Variants in DPYSL2 observed in about 807,000 individuals in gnomAD.
DPYSL2 encodes the protein dihydropyrimidinase like 2, also known as dihydropyrimidinase-related protein 2.
A neutral mutation model predicts 69.9 loss-of-function variants in DPYSL2; 13 were observed. The observed-to-expected ratio is 0.19, with a 90% CI of 0.12 to 0.30. DPYSL2 has a LOEUF of 0.30. Among genes scored for constraint, DPYSL2 ranks in the 10% least tolerant of loss-of-function variants. The probability of loss-of-function intolerance (pLI) is 1.00; values close to 1 mark genes in which losing one functional copy is unlikely to be tolerated. For missense variants in DPYSL2, 587 were observed against 918.9 expected (o/e 0.64, Z 4.67); for synonymous variants, 326 against 359.1 (o/e 0.91, Z 1.04).
In DPYSL2 at chr8:26,562,476, T is replaced by C. The variant is rs1284266273; in HGVS notation, c.355-19493T>C. Among the ~76,000 whole-genome samples the C allele has an allele frequency of 1.3e-5, 2 of 152,194 alleles. No homozygotes were observed. The highest frequency in any genetic ancestry group is 2.4e-5 in the African/African-American group (1 of 41,454). ...CACCTTCTTACTGGTTGCCTCTGTTTGACCCTTGCACCACCACACTACAGC... is the reference window on the plus strand; with the variant it reads ...CACCTTCTTACTGGTTGCCTCTGTTCGACCCTTGCACCACCACACTACAGC... On this transcript the variant is annotated intron_variant, in intron 1 of 13. Transcript: ENST00000521913. The surrounding 1 kb of genome is among the most constrained non-coding windows in gnomAD (Gnocchi z 4.9).
chr8:26,530,367 A>G (rs1241976136), intron 1 of DPYSL2, among the ~76,000 whole-genome samples: 1 of 152,176 alleles, frequency 6.6e-6, no homozygotes, highest in Non-Finnish European at 1.5e-5. Context: ...CAGCAAATGT[A>G]TATCTTTGAC....
chr8:26,588,050 G>A lies in DPYSL2; in HGVS notation c.628+4067G>A, dbSNP rs1801643658. 6.6e-6 allele frequency among the ~76,000 whole-genome samples: 1 copy of A among 152,120 alleles called. No individual in the cohort carries two copies. Among genetic ancestry groups the A allele is most frequent in the South Asian group, 2.1e-4 (1 of 4,826 alleles). On this transcript the variant is annotated intron_variant, in intron 3 of 13. Transcript: ENST00000521913. The surrounding 1 kb of genome is among the most constrained non-coding windows in gnomAD (Gnocchi z 5.4). ...CTCAGTGGCCTCATCTGCAAAATGG[G>A]GCAAGTTTTGACAAAGGTGGACTGT...
At chr8:26,618,603 G>A (rs1407737699) in intron 3 of DPYSL2, among the ~76,000 whole-genome samples, 6 of 149,486 alleles carry the variant, frequency 4.0e-5, no homozygotes, top group African/African-American at 7.4e-5. Flanking sequence ...ACAGGTGTGA[G>A]TCACTGAACC....
chr8:26,528,907 C>A (rs1188585679), intron 1 of DPYSL2, among the ~76,000 whole-genome samples: 1 of 152,026 alleles, frequency 6.6e-6, no homozygotes, highest in Non-Finnish European at 1.5e-5. Flanking sequence ...TAGTGGCTGT[C>A]CCTAAATGTC....
intron 1 of DPYSL2, among the ~76,000 whole-genome samples, chr8:26,547,195 T>A (rs931929064): frequency 6.6e-6 from 1 of 151,332 alleles, no homozygotes; most frequent in Non-Finnish European, 1.5e-5. Flanking sequence ...AAATCCTGTC[T>A]CTACTAAAAA....
chr8:26,557,927 T>C (rs1389290350), intron 1 of DPYSL2, among the ~76,000 whole-genome samples: 7 of 151,784 alleles, frequency 4.6e-5, no homozygotes, highest in Admixed American at 2.6e-4. Flanking sequence ...TTCCTGTCGC[T>C]CTACATCCTA....
Position 26,653,090 on chromosome 8 carries a change from C to A in DPYSL2, c.1777-142C>A. The A allele has an allele frequency of 2.0e-6, 2 of 1,009,464 alleles. No homozygotes were observed. The highest frequency in any genetic ancestry group is 1.5e-6 in the Non-Finnish European group (1 of 688,504). 62.5% of individuals were successfully genotyped at this position (1,009,464 alleles called of 1,614,324 possible). A position where few individuals can be genotyped will look rare whatever the true frequency, so the allele number is the denominator to read the frequency against. The stretch of plus-strand genomic sequence containing the variant: ...TTGGCCTGGCATGGTGGGAGCTGGC[C>A]CCACACAACACCTGTCCACCTGTCT... On this transcript the variant is annotated intron_variant, in intron 12 of 13. Transcript: ENST00000521913. The surrounding 1 kb of genome is among the most constrained non-coding windows in gnomAD (Gnocchi z 5.7).
intron 3 of DPYSL2, among the ~76,000 whole-genome samples, chr8:26,618,967 AAAAAG>A (rs1342695281): frequency 6.6e-6 from 1 of 152,028 alleles, no homozygotes; most frequent in Non-Finnish European, 1.5e-5. Context: ...TCAAAAGAAA[AAAAAG>A]AAAAGAAAAA....
chr8:26,558,282 C>G (rs1054776401), intron 1 of DPYSL2, among the ~76,000 whole-genome samples: 1 of 152,166 alleles, frequency 6.6e-6, no homozygotes, highest in African/African-American at 2.4e-5. Flanking sequence ...GAGCTACAAG[C>G]CATTAAAAGA....
rs1803288469 is a variant in DPYSL2, at chr8:26,652,032, A to G, written c.1597-225A>G. Among the ~76,000 whole-genome samples, 1 of 152,194 alleles carries G rather than the reference A, an allele frequency of 6.6e-6. No homozygotes were observed. Among genetic ancestry groups the G allele is most frequent in the Non-Finnish European group, 1.5e-5 (1 of 68,032 alleles). On this transcript the variant is annotated intron_variant, in intron 11 of 13. Transcript: ENST00000521913. This position sits in a 1 kb window ranked among gnomAD's most constrained non-coding sequence, Gnocchi z 6.3. Reference sequence around the variant, plus strand: ...CCTTTTCACACAATTATTCTGTTTAATTATTTTTCTTTCTAATGTGGAGAG... The same window carrying G: ...CCTTTTCACACAATTATTCTGTTTAGTTATTTTTCTTTCTAATGTGGAGAG...
In DPYSL2 at chr8:26,650,119, T is replaced by C. The variant is rs548805621; in HGVS notation, c.1597-2138T>C. Among the ~76,000 whole-genome samples, 1 of 152,348 alleles carries C rather than the reference T, an allele frequency of 6.6e-6. No homozygotes were observed. The highest frequency in any genetic ancestry group is 2.1e-4 in the South Asian group (1 of 4,830). ...TTCTAAATGCCTACTGTGAGCCAAA[T>C]AGTGAGCTAGATGCTTTTGTTCATT... is the stretch of plus-strand genomic sequence containing the variant. On this transcript the variant is annotated intron_variant, in intron 11 of 13. Transcript: ENST00000521913. The surrounding 1 kb of genome is among the most constrained non-coding windows in gnomAD (Gnocchi z 5.3).
At chr8:26,600,549 G>A (rs73678819) in intron 3 of DPYSL2, among the ~76,000 whole-genome samples, 19 of 152,118 alleles carry the variant, frequency 1.2e-4, no homozygotes, top group African/African-American at 2.7e-4. Flanking sequence ...TTTGAGGCCC[G>A]TGTACTCATT....
intron 1 of DPYSL2, among the ~76,000 whole-genome samples, chr8:26,563,148 A>T (rs1801099899): frequency 2.6e-5 from 4 of 152,146 alleles, no homozygotes; most frequent in Admixed American, 2.6e-4. Context: ...ACCTTTCATT[A>T]GGAGGATGCC....
chr8:26,520,977 G>T (rs552497677), intron 1 of DPYSL2, among the ~76,000 whole-genome samples: 106 of 152,168 alleles, frequency 7.0e-4, no homozygotes, highest in African/African-American at 2.5e-3. Flanking sequence ...ATGTTCGTCC[G>T]AAAGGCCCTA....
intron 1 of DPYSL2, chr8:26,548,371 A>G: frequency 4.0e-6 from 1 of 251,230 alleles, no homozygotes; most frequent in Non-Finnish European, 7.9e-6. Flanking sequence ...AAAATTGTTA[A>G]CCCAAAGGGT....
At chr8:26,628,627 C>G (rs1441535192) in intron 7 of DPYSL2, among the ~76,000 whole-genome samples, 1 of 152,156 alleles carries the variant, frequency 6.6e-6, no homozygotes, top group Non-Finnish European at 1.5e-5. Context: ...CTCTAGGGGC[C>G]CTGACTAGGG....
intron 1 of DPYSL2, among the ~76,000 whole-genome samples, chr8:26,527,267 G>A (rs1808494468): frequency 6.6e-6 from 1 of 152,194 alleles, no homozygotes; most frequent in South Asian, 2.1e-4. Context: ...ATCAGGGATT[G>A]ATGTGATAAG....
intron 1 of DPYSL2, among the ~76,000 whole-genome samples, chr8:26,545,046 A>G (rs1800743469): frequency 6.6e-6 from 1 of 152,230 alleles, no homozygotes; most frequent in South Asian, 2.1e-4. Flanking sequence ...AGGAATTGAC[A>G]GCAATACATT....
Position 26,632,762 on chromosome 8 carries a change from G to A in DPYSL2, c.1006-2018G>A, listed in dbSNP as rs141920288. On this transcript the variant is annotated intron_variant, in intron 7 of 13. Transcript: ENST00000521913. ...CTCACACTTCACACCCATGCAAGACGTCCCTGTCCCCGCCTGGTGCTGCCG... is the reference window on the plus strand; with the variant it reads ...CTCACACTTCACACCCATGCAAGACATCCCTGTCCCCGCCTGGTGCTGCCG... Among the ~76,000 whole-genome samples, 813 of 152,334 alleles carry A rather than the reference G, an allele frequency of 5.3e-3. 6 individuals are homozygous for A. The highest frequency in any genetic ancestry group is 0.019 in the African/African-American group (780 of 41,582).
Sources: allele counts gnomAD v4.1 joint callset (sites outside exome capture counted in the v4.1 genomes callset), GRCh38; gene constraint gnomAD v4.1.1; non-coding constraint Gnocchi (gnomAD v3.1); transcripts MANE v1.5; gene names NCBI Gene and HGNC (gene_info 2026-07-23, HGNC 2026-07-21).